RANBP2: variants seen among roughly 807,000 people sequenced by gnomAD.
RANBP2 encodes the protein RAN binding protein 2.
A neutral mutation model predicts 303.6 loss-of-function variants in RANBP2; 57 were observed. The ratio of observed to expected loss-of-function variants is 0.19; its 90% CI spans 0.15 to 0.23. The LOEUF is 0.23. Ranked by LOEUF, RANBP2 falls within the 10% of genes least tolerant of loss-of-function variation. The pLI, the probability that RANBP2 is intolerant of heterozygous loss-of-function variation, is 1.00. For missense variants in RANBP2, 3,138 were observed against 3,780.8 expected, an observed-to-expected ratio of 0.83 and a Z score of 4.46; for synonymous variants, 1,167 against 1,301.5, an observed-to-expected ratio of 0.90 and a Z score of 2.23.
At chr2:108,735,983 T>C (rs1695550157) in intron 5 of RANBP2, 121 bp from the exon 6 acceptor site, 2 of 1,599,036 alleles carry the variant, frequency 1.3e-6, no homozygotes, top group Non-Finnish European at 1.7e-6. Context: ...AAGGTCGATA[T>C]AAAAATCAAT....
chr2:109,235,684 C>A, the RANBP2 span, among the ~76,000 whole-genome samples: 1 of 152,158 alleles, frequency 6.6e-6, no homozygotes, highest in Non-Finnish European at 1.5e-5. Context: ...TACGTGTCTA[C>A]CAACATAAAG....
chr2:108,737,319 T>C (rs1280020014), intron 6 of RANBP2, among the ~76,000 whole-genome samples: 2 of 150,688 alleles, frequency 1.3e-5, no homozygotes, highest in African/African-American at 4.9e-5. Flanking sequence ...GGGTTCCTTT[T>C]TTTCTTTCTT....
the RANBP2 span, among the ~76,000 whole-genome samples, chr2:109,632,980 G>A: frequency 1.2e-4 from 18 of 152,178 alleles, no homozygotes; most frequent in African/African-American, 4.3e-4. Context: ...CTCGCGCTCT[G>A]TGGAGAACAG....
At chr2:108,788,628 G>C (rs1558957724), downstream of RANBP2, among the ~76,000 whole-genome samples, 2 of 151,884 alleles carry the variant, frequency 1.3e-5, no homozygotes, top group Non-Finnish European at 2.9e-5. Context: ...GCTGAGGCAG[G>C]AGAATGGGGT....
chr2:109,695,329 T>G, the RANBP2 span, among the ~76,000 whole-genome samples: 1 of 152,260 alleles, frequency 6.6e-6, no homozygotes, highest in African/African-American at 2.4e-5. Context: ...TTCCTGCTTC[T>G]TGGTTTGATG....
At chr2:108,916,290 C>T in the RANBP2 span, among the ~76,000 whole-genome samples, 6 of 152,314 alleles carry the variant, frequency 3.9e-5, no homozygotes, top group South Asian at 4.1e-4. Flanking sequence ...TTGTCATCTT[C>T]GCCTCTTCTT....
the RANBP2 span, among the ~76,000 whole-genome samples, chr2:109,093,339 G>T: frequency 7.6e-6 from 1 of 131,182 alleles, no homozygotes; most frequent in Non-Finnish European, 1.6e-5. Flanking sequence ...CCACAACCAA[G>T]AAATAACTTC....
In RANBP2 at chr2:108,762,104, C is replaced by T. The variant is rs1397531576; in HGVS notation, c.2606C>T (p.Ala869Val). 6.3e-7 allele frequency: 1 copy of T among 1,596,236 alleles called. No individual in the cohort carries two copies. Among genetic ancestry groups the T allele is most frequent in the African/African-American group, 1.3e-5 (1 of 74,632 alleles). ...TATTTTCTTTTTGTTTTTTTAGTTGCAACTACTGGCCCTTCAGTATATTAT... is the reference window on the plus strand; with the variant it reads ...TATTTTCTTTTTGTTTTTTTAGTTGTAACTACTGGCCCTTCAGTATATTAT... ...QTFHGAPLTV[A>V]TTGPSVYYSQ... The change falls in exon 19 of 29, where the codon GCA becomes GTA. Residue 869 changes from alanine to valine, a missense_variant. By Grantham distance (64) the Ala-to-Val change is moderately conservative. Transcript: ENST00000283195.
the RANBP2 span, among the ~76,000 whole-genome samples, chr2:109,088,420 C>T: frequency 7.0e-6 from 1 of 143,518 alleles, no homozygotes; most frequent in Admixed American, 7.0e-5. Context: ...AAAAAAAGAG[C>T]AGCGAAAGAG....
chr2:109,508,777 C>G, the RANBP2 span, among the ~76,000 whole-genome samples: 5 of 152,154 alleles, frequency 3.3e-5, no homozygotes, highest in Non-Finnish European at 5.9e-5. Flanking sequence ...AGTGCTCAGA[C>G]AGGGCACCCC....
chr2:109,478,455 A>G, the RANBP2 span, among the ~76,000 whole-genome samples: 1 of 152,120 alleles, frequency 6.6e-6, no homozygotes, highest in Non-Finnish European at 1.5e-5. Context: ...AAGACCTGCG[A>G]TTTGGTTTGA....
At chr2:109,545,510 A>G in the RANBP2 span, 3,461 of 1,536,136 alleles carry the variant, frequency 2.3e-3, 4 homozygotes, top group Non-Finnish European at 2.4e-3. Flanking sequence ...TCTGACATCA[A>G]TGCACAGGAG....
chr2:109,765,260 G>A, the RANBP2 span, among the ~76,000 whole-genome samples: 2 of 144,634 alleles, frequency 1.4e-5, no homozygotes, highest in Admixed American at 1.5e-4. Flanking sequence ...ACAAATACAC[G>A]TTTAACACTG....
At chr2:109,149,816 T>C in the RANBP2 span, among the ~76,000 whole-genome samples, 1 of 152,370 alleles carries the variant, frequency 6.6e-6, no homozygotes, top group South Asian at 2.1e-4. Flanking sequence ...GCAGGTATTT[T>C]TGTACTCCAG....
intron 7 of RANBP2, among the ~76,000 whole-genome samples, chr2:108,741,470 A>T (rs1350151006): frequency 1.4e-5 from 2 of 138,550 alleles, no homozygotes; most frequent in Non-Finnish European, 3.0e-5. Flanking sequence ...TGCTGGGATT[A>T]CAGGCGCAAG....
chr2:109,005,102 T>C, the RANBP2 span, among the ~76,000 whole-genome samples: 1 of 152,128 alleles, frequency 6.6e-6, no homozygotes, highest in Non-Finnish European at 1.5e-5. Flanking sequence ...TTCATCCTAA[T>C]CCAACTCAAG....
the RANBP2 span, among the ~76,000 whole-genome samples, chr2:109,453,649 T>C: frequency 6.6e-6 from 1 of 152,208 alleles, no homozygotes; most frequent in Non-Finnish European, 1.5e-5. Flanking sequence ...CATGAGGATG[T>C]ACCTGGCAGA....
At chr2:108,804,865 A>T in the RANBP2 span, 2 of 1,484,804 alleles carry the variant, frequency 1.3e-6, no homozygotes, top group Non-Finnish European at 1.8e-6. Context: ...GTTTTAGATG[A>T]GAGTTTTTTT....
At chr2:109,603,754 T>G in the RANBP2 span, among the ~76,000 whole-genome samples, 1 of 152,090 alleles carries the variant, frequency 6.6e-6, no homozygotes, top group East Asian at 1.9e-4. Flanking sequence ...GAGCAGAGAC[T>G]TGATGAAGAA....
Sources: gnomAD v4.1 joint callset for allele counts (sites outside exome capture counted in the v4.1 genomes callset) on GRCh38, gnomAD v4.1.1 for gene constraint, MANE v1.5 for transcripts, NCBI Gene and HGNC (gene_info 2026-07-23, HGNC 2026-07-21) for gene names.